NLGN1: variants seen among roughly 807,000 people sequenced by gnomAD.
NLGN1 encodes neuroligin 1, also known as neuroligin-1.
NLGN1 carries 12 observed loss-of-function variants against 65.5 expected under a neutral mutation model. The ratio of observed to expected loss-of-function variants is 0.18; its 90% CI spans 0.12 to 0.30. The LOEUF is 0.30. Ranked by LOEUF, NLGN1 falls within the 10% of genes least tolerant of loss-of-function variation. The pLI is 1.00. For missense variants in NLGN1, 750 were observed against 1,007.1 expected (o/e 0.74, Z 3.46); for synonymous variants, 350 against 359.5 (o/e 0.97, Z 0.30).
intron 2 of NLGN1, among the ~76,000 whole-genome samples, chr3:173,585,328 A>C (rs1471618457): frequency 6.6e-6 from 1 of 152,094 alleles, no homozygotes; most frequent in Non-Finnish European, 1.5e-5. Flanking sequence ...TACTTTAAGG[A>C]GAGGAGGCAG....
intron 2 of NLGN1, among the ~76,000 whole-genome samples, chr3:173,559,982 C>T (rs370469869): frequency 3.6e-5 from 5 of 140,408 alleles, no homozygotes; most frequent in Admixed American, 2.3e-4. Context: ...CTCGCTCTGT[C>T]GCCCAGGCTG....
intron 3 of NLGN1, among the ~76,000 whole-genome samples, chr3:173,615,002 C>T (rs1203841793): frequency 1.3e-5 from 2 of 152,138 alleles, no homozygotes; most frequent in East Asian, 1.9e-4. Flanking sequence ...TGTATTCCAA[C>T]TGACTCTGAA....
chr3:174,265,388 C>T (rs867638129), intron 4 of NLGN1, among the ~76,000 whole-genome samples: 2 of 152,092 alleles, frequency 1.3e-5, no homozygotes, highest in East Asian at 1.9e-4. Context: ...TGTGGTGCGC[C>T]GTTTTTTAAG....
Position 173,523,222 on chromosome 3 carries a change from G to A in NLGN1, c.-320-81057G>A, listed in dbSNP as rs567092935. Reference sequence around the variant, plus strand: ...CTGCACATTGTCTGTTCACTGTGTCGAATATTTATTTTTCTGTGCAGAAGC... The same window carrying A: ...CTGCACATTGTCTGTTCACTGTGTCAAATATTTATTTTTCTGTGCAGAAGC... On this transcript the variant is annotated intron_variant, in intron 2 of 6. Coordinates refer to ENST00000457714, the Ensembl canonical transcript of NLGN1. Among the ~76,000 whole-genome samples, 182 of 151,562 alleles carry A rather than the reference G, an allele frequency of 1.2e-3. 5 individuals are homozygous for A. Among genetic ancestry groups the A allele is most frequent in the Admixed American group, 2.8e-3 (43 of 15,194 alleles).
At chr3:173,963,126 A>C (rs958484623) in intron 4 of NLGN1, among the ~76,000 whole-genome samples, 1 of 152,064 alleles carries the variant, frequency 6.6e-6, no homozygotes. Context: ...ATCTCATCTG[A>C]CTTATGCTAC....
intron 3 of NLGN1, among the ~76,000 whole-genome samples, chr3:173,612,184 A>C (rs186296277): frequency 1.2e-3 from 186 of 152,192 alleles, no homozygotes; most frequent in Middle Eastern, 3.4e-3. Context: ...TGCTAGTAAC[A>C]ATTCCGGAGA....
intron 2 of NLGN1, among the ~76,000 whole-genome samples, chr3:173,565,976 C>A (rs779523926): frequency 6.6e-6 from 1 of 152,140 alleles, no homozygotes; most frequent in African/African-American, 2.4e-5. Flanking sequence ...GAGATTTAAT[C>A]TCTCACTATG....
intron 4 of NLGN1, among the ~76,000 whole-genome samples, chr3:173,887,374 C>A (rs949671734): frequency 6.6e-6 from 1 of 151,810 alleles, no homozygotes; most frequent in East Asian, 1.9e-4. Flanking sequence ...ACAACTTGAT[C>A]GTAATGACTC....
chr3:173,549,214 A>T (rs1740435368), intron 2 of NLGN1, among the ~76,000 whole-genome samples: 1 of 152,006 alleles, frequency 6.6e-6, no homozygotes, highest in African/African-American at 2.4e-5. Flanking sequence ...TATGTTTGAG[A>T]GTATCAAGAT....
chr3:173,581,350 AC>A (rs1470280927), intron 2 of NLGN1, among the ~76,000 whole-genome samples: 1 of 152,004 alleles, frequency 6.6e-6, no homozygotes, highest in Non-Finnish European at 1.5e-5. Context: ...GAATTCACAT[AC>A]ATATTTTAAA....
intron 4 of NLGN1, among the ~76,000 whole-genome samples, chr3:174,089,399 A>G (rs79987968): frequency 1.3e-5 from 2 of 152,180 alleles, no homozygotes; most frequent in African/African-American, 4.8e-5. Context: ...GCAGAAAATC[A>G]TGAAATTGTG....
intron 3 of NLGN1, among the ~76,000 whole-genome samples, chr3:173,668,267 T>C (rs757692519): frequency 9.2e-5 from 14 of 152,142 alleles, no homozygotes; most frequent in Non-Finnish European, 1.6e-4. Context: ...AAAGTAGTTA[T>C]CAGTTTAGTT....
chr3:173,943,238 A>T (rs1342789906), intron 4 of NLGN1, among the ~76,000 whole-genome samples: 1 of 152,018 alleles, frequency 6.6e-6, no homozygotes, highest in Non-Finnish European at 1.5e-5. Flanking sequence ...ACAAAAAAAA[A>T]TAATGAAGGG....
intron 3 of NLGN1, among the ~76,000 whole-genome samples, chr3:173,768,674 T>C (rs1308118021): frequency 1.3e-5 from 2 of 152,224 alleles, no homozygotes; most frequent in African/African-American, 4.8e-5. Flanking sequence ...TCTTTCACTC[T>C]TCAAACGCAT....
chr3:173,905,081 C>G lies in NLGN1; in HGVS notation c.646+97249C>G, dbSNP rs972318781. ...TCCTCCTGACAAAATTCTGGCTACC[C>G]GCCTGATGCAAAGAACTGGTAACAA... is the stretch of plus-strand genomic sequence containing the variant. On this transcript the variant is annotated intron_variant, in intron 4 of 6. Transcript: ENST00000457714. Among the ~76,000 whole-genome samples the G allele has an allele frequency of 4.3e-4, 65 of 152,220 alleles. 1 individual carries two copies. Among genetic ancestry groups the G allele is most frequent in the Admixed American group, 1.8e-3 (28 of 15,288 alleles).
At chr3:174,046,974 G>A (rs1324997095) in intron 4 of NLGN1, among the ~76,000 whole-genome samples, 1 of 151,986 alleles carries the variant, frequency 6.6e-6, no homozygotes, top group Non-Finnish European at 1.5e-5. Flanking sequence ...AAATGAAATT[G>A]TTAAGGAAAG....
chr3:174,264,991 G>T (rs1169525448), intron 4 of NLGN1, among the ~76,000 whole-genome samples: 1 of 152,214 alleles, frequency 6.6e-6, no homozygotes, highest in Non-Finnish European at 1.5e-5. Flanking sequence ...CATTTAGGCT[G>T]CTCGGGGGTC....
chr3:174,162,892 T>C (rs1007549392), intron 4 of NLGN1, among the ~76,000 whole-genome samples: 1 of 151,698 alleles, frequency 6.6e-6, no homozygotes, highest in African/African-American at 2.4e-5. Context: ...CAGGATTAGG[T>C]AAATGAAATA....
chr3:174,082,476 G>A (rs578230688), intron 4 of NLGN1, among the ~76,000 whole-genome samples: 32 of 151,870 alleles, frequency 2.1e-4, no homozygotes, highest in African/African-American at 7.0e-4. Context: ...TTAAATGCAA[G>A]CAATTGGCAG....
Sources: allele counts gnomAD v4.1 joint callset (sites outside exome capture counted in the v4.1 genomes callset), GRCh38; gene constraint gnomAD v4.1.1; transcripts MANE v1.5; gene names NCBI Gene and HGNC (gene_info 2026-07-23, HGNC 2026-07-21).